CD4: variants seen among roughly 807,000 people sequenced by gnomAD.
CD4 encodes the protein CD4 molecule, also known as T-cell surface glycoprotein CD4.
Under a neutral mutation model 50.5 loss-of-function variants are expected in CD4, and 25 were observed. That is an observed-to-expected ratio of 0.49 (90% confidence interval 0.36 to 0.69). The LOEUF (loss-of-function observed/expected upper bound fraction) is 0.69. Ranked by LOEUF, CD4 falls within the 30% of genes least tolerant of loss-of-function variation. CD4 has a pLI of 0.00. For synonymous variants in CD4, 207 were observed against 221.9 expected, an observed-to-expected ratio of 0.93 and a Z score of 0.60; for missense variants, 456 against 548.5, an observed-to-expected ratio of 0.83 and a Z score of 1.68.
At position 6,817,390 on chromosome 12, in the gene CD4, C is replaced by G. The variant is rs1943109238; in HGVS notation, c.1156+60C>G. 2.8e-6 allele frequency: 4 copies of G among 1,416,534 alleles called. No individual in the cohort carries two copies. The Admixed American group carries it at 6.0e-5, about 21-fold the overall frequency. 87.7% of individuals were successfully genotyped at this position (1,416,534 alleles called of 1,614,324 possible). On this transcript the variant is annotated intron_variant, in intron 7 of 9. Coordinates refer to ENST00000011653, the MANE Select transcript of CD4 (RefSeq NM_000616.5). ...GGCTGCGGGACCTTCCTGTGGTTGG[C>G]AGAGACCACCCAGAGTCCCGGCCTC... is the stretch of plus-strand genomic sequence containing the variant.
At chr12:6,814,499 C>T in intron 4 of CD4, 199 bp downstream of exon 4, 1 of 653,570 alleles carries the variant, frequency 1.5e-6, no homozygotes, top group Non-Finnish European at 2.6e-6. Context: ...GGGAAGAGGC[C>T]TTGGGAAAAG....
chr12:6,804,014 G>C (rs1942646728), intron 3 of CD4, among the ~76,000 whole-genome samples: 1 of 151,516 alleles, frequency 6.6e-6, no homozygotes, highest in South Asian at 2.1e-4. Context: ...GGGAGGCTGA[G>C]GCAGGAGAAT....
Position 6,792,027 on chromosome 12 carries a change from G to A in CD4, c.-68+2365G>A, listed in dbSNP as rs553870705. 2.0e-5 allele frequency among the ~76,000 whole-genome samples: 3 copies of A among 152,278 alleles called. No individual in the cohort carries two copies. The highest frequency in any genetic ancestry group is 3.9e-4 in the East Asian group (2 of 5,180). On this transcript the variant is annotated intron_variant, in intron 1 of 9. Transcript: ENST00000011653. The surrounding 1 kb of genome is among the most constrained non-coding windows in gnomAD (Gnocchi z 4.1). ...TTCCCCCGATGTGGGTGTCTGAGGC[G>A]AAGAAGAGGATGGCGGAGGTTGCAG... is the stretch of plus-strand genomic sequence containing the variant.
chr12:6,804,111 AAAATAAATAAATAAATAAATAAAT>A (rs141689932), intron 3 of CD4, among the ~76,000 whole-genome samples: 2 of 144,610 alleles, frequency 1.4e-5, no homozygotes, highest in African/African-American at 2.6e-5. Flanking sequence ...ACTCTGTCTC[AAAATAAATAAATAAATAAATAAAT>A]AAATAAATAA....
rs782396305 is a variant in CD4 at position 6,814,215 on chromosome 12, C to T, written c.288C>T (p.Ile96=). ...LWDQGNFPLI[I]KNLKIEDSDT... ...ACCAAGGAAACTTTCCCCTGATCATCAAGAATCTTAAGATAGAAGACTCAG... is the reference window on the plus strand; with the variant it reads ...ACCAAGGAAACTTTCCCCTGATCATTAAGAATCTTAAGATAGAAGACTCAG... The change falls in exon 4 of 10, where the codon ATC becomes ATT. Residue 96 remains isoleucine, a synonymous_variant. Transcript: ENST00000011653. The T allele has an allele frequency of 5.0e-6, 8 of 1,614,040 alleles. No individual in the cohort carries two copies. Among genetic ancestry groups the T allele is most frequent in the Admixed American group, 1.7e-5 (1 of 60,024 alleles).
chr12:6,801,387 C>T (rs1218980502), intron 3 of CD4, among the ~76,000 whole-genome samples: 1 of 149,034 alleles, frequency 6.7e-6, no homozygotes, highest in Non-Finnish European at 1.5e-5. Context: ...TGTGGGGGTG[C>T]AGTCCTGTAC....
intron 3 of CD4, among the ~76,000 whole-genome samples, chr12:6,810,136 T>G (rs1483238720): frequency 1.3e-5 from 2 of 152,134 alleles, no homozygotes; most frequent in African/African-American, 4.8e-5. Context: ...GTGATCCACC[T>G]GCCTCGGCCT....
chr12:6,814,525 G>C, intron 4 of CD4: 3 of 642,690 alleles, frequency 4.7e-6, no homozygotes, highest in East Asian at 5.5e-5. Flanking sequence ...AAAAGGGAAG[G>C]AGGCAAGGGA....
intron 1 of CD4, among the ~76,000 whole-genome samples, chr12:6,791,603 G>A (rs890832137): frequency 3.3e-5 from 5 of 152,188 alleles, no homozygotes; most frequent in African/African-American, 1.2e-4. Flanking sequence ...GTGATGGGCC[G>A]GGCGTGGTGG....
chr12:6,809,525 T>G (rs1174179640), intron 3 of CD4, among the ~76,000 whole-genome samples: 3 of 151,800 alleles, frequency 2.0e-5, no homozygotes, highest in African/African-American at 7.3e-5. Flanking sequence ...AGTTTCTTCC[T>G]CTTCTTTGTT....
chr12:6,802,631 C>T (rs1193964343), intron 3 of CD4, among the ~76,000 whole-genome samples: 1 of 151,740 alleles, frequency 6.6e-6, no homozygotes, highest in Non-Finnish European at 1.5e-5. Context: ...TGTTGTTCGG[C>T]GTGGAGAATA....
intron 3 of CD4, among the ~76,000 whole-genome samples, chr12:6,801,516 C>CA (rs200977719): frequency 0.3 from 36,464 of 119,806 alleles, 5,351 homozygotes; most frequent in Non-Finnish European, 0.35. Flanking sequence ...GACTTCATCT[C>CA]AAAAAAAAAA....
chr12:6,793,017 G>T (rs1474124266), intron 1 of CD4, among the ~76,000 whole-genome samples: 1 of 152,112 alleles, frequency 6.6e-6, no homozygotes, highest in Non-Finnish European at 1.5e-5. Flanking sequence ...GGACCAGAGA[G>T]CCCTCCCAGC....
rs113662541 is a variant in CD4 at position 6,801,384 on chromosome 12, G to T, written c.214+913G>T. ...ATACAAAAATTAGCCAGGTGTGGGG[G>T]TGCAGTCCTGTACTTCCAGCTACTC... On this transcript the variant is annotated intron_variant, in intron 3 of 9. Transcript: ENST00000011653. 5.8e-3 allele frequency among the ~76,000 whole-genome samples: 865 copies of T among 149,458 alleles called. 2 individuals carry two copies. The highest frequency in any genetic ancestry group is 8.4e-3 in the Non-Finnish European group (564 of 67,208).
chr12:6,801,436 G>T (rs571893139), intron 3 of CD4, among the ~76,000 whole-genome samples: 197 of 146,776 alleles, frequency 1.3e-3, no homozygotes, highest in Non-Finnish European at 2.4e-3. Context: ...AGACTCGCTT[G>T]AACCTGGGAG....
At position 6,800,146 on chromosome 12, in the gene CD4, G is replaced by A. The variant is rs782252955; in HGVS notation, c.8G>A (p.Arg3Gln). Reference sequence around the variant, plus strand: ...TCCCTCGGCAAGGCCACAATGAACCGGGGAGTCCCTTTTAGGCACTTGCTT... The same window carrying A: ...TCCCTCGGCAAGGCCACAATGAACCAGGGAGTCCCTTTTAGGCACTTGCTT... MN[R>Q]GVPFRHLLLV... The change falls in exon 2 of 10, where the codon CGG becomes CAG. Residue 3 changes from arginine (R) to glutamine (Q), a missense_variant. Transcript: ENST00000011653. 66 of 1,613,770 alleles carry A rather than the reference G, an allele frequency of 4.1e-5. No homozygotes were observed. The highest frequency in any genetic ancestry group is 4.2e-5 in the Non-Finnish European group (49 of 1,179,926).
intron 3 of CD4, among the ~76,000 whole-genome samples, chr12:6,811,395 CAGA>C (rs782618068): frequency 6.6e-6 from 1 of 151,958 alleles, no homozygotes; most frequent in Non-Finnish European, 1.5e-5. Context: ...ATACTTATGC[CAGA>C]AGAACTTTCC....
At chr12:6,805,278 T>C (rs1942706003) in intron 3 of CD4, among the ~76,000 whole-genome samples, 1 of 149,516 alleles carries the variant, frequency 6.7e-6, no homozygotes, top group African/African-American at 2.5e-5. Flanking sequence ...AAAACATGCG[T>C]AGGGCCAGGT....
chr12:6,796,858 T>A (rs1942389796), intron 1 of CD4, among the ~76,000 whole-genome samples: 1 of 152,000 alleles, frequency 6.6e-6, no homozygotes, highest in African/African-American at 2.4e-5. Context: ...AATAAAAAGA[T>A]TTACAGTCAA....
Sources: allele counts gnomAD v4.1 joint callset (sites outside exome capture counted in the v4.1 genomes callset), GRCh38; gene constraint gnomAD v4.1.1; non-coding constraint Gnocchi (gnomAD v3.1); transcripts MANE v1.5; gene names NCBI Gene and HGNC (gene_info 2026-07-23, HGNC 2026-07-21).